The following PTPN1 variants were observed in gnomAD, a reference collection of about 807,000 sequenced individuals.
PTPN1 encodes the protein protein tyrosine phosphatase non-receptor type 1, also known as tyrosine-protein phosphatase non-receptor type 1.
In PTPN1, 12 loss-of-function variants were observed where a neutral mutation model predicts 59.9. That is an observed-to-expected ratio of 0.20 (90% CI 0.13 to 0.32). The LOEUF (loss-of-function observed/expected upper bound fraction) is 0.32. PTPN1 is among the 10% of genes least tolerant of loss of function. PTPN1 has a pLI of 1.00. For missense variants in PTPN1, 356 were observed against 549.2 expected, an observed-to-expected ratio of 0.65 and a Z score of 3.52; for synonymous variants, 178 against 203.6, an observed-to-expected ratio of 0.87 and a Z score of 1.07.
chr20:50,539,448 CTAT>C (rs2082639103), intron 1 of PTPN1, among the ~76,000 whole-genome samples: 1 of 152,084 alleles, frequency 6.6e-6, no homozygotes, highest in Non-Finnish European at 1.5e-5. Context: ...TGTCAGCAGC[CTAT>C]TATTTTAAGG....
intron 8 of PTPN1, 120 bp from the exon 9 acceptor site, chr20:50,581,145 A>AT (rs2082866235): frequency 7.0e-7 from 1 of 1,422,810 alleles, no homozygotes; most frequent in African/African-American, 1.4e-5. Flanking sequence ...GAAGGTTAAC[A>AT]TCATCCAACT....
chr20:50,525,612 AT>A (rs10854185), intron 1 of PTPN1, among the ~76,000 whole-genome samples: 52,599 of 146,684 alleles, frequency 0.36, 9,669 homozygotes, highest in African/African-American at 0.48. Context: ...CCTGGATTTG[AT>A]TTTTTTTTTT....
intron 1 of PTPN1, among the ~76,000 whole-genome samples, chr20:50,534,024 G>A (rs1306604083): frequency 2.6e-5 from 4 of 152,174 alleles, no homozygotes; most frequent in African/African-American, 7.2e-5. Flanking sequence ...TCCGCCTCCC[G>A]AGTTCAAGCG....
Position 50,583,340 on chromosome 20 carries a change from T to C in PTPN1, c.*625T>C, listed in dbSNP as rs1316607326. 1.3e-5 allele frequency: 2 copies of C among 152,578 alleles called. No individual in the cohort carries two copies. Among genetic ancestry groups the C allele is most frequent in the African/African-American group, 2.4e-5 (1 of 41,460 alleles). The allele number at this position is 152,578 out of a possible 1,614,324, so 9.5% of individuals were successfully genotyped here. On this transcript the variant is annotated 3_prime_UTR_variant, in exon 10 of 10. Transcript: ENST00000371621. ...TGTAAGCAGTTGTTATTTAGTGATA[T>C]TGTGGGTAACGTGAGAAGATAGAAC...
intron 1 of PTPN1, among the ~76,000 whole-genome samples, chr20:50,557,135 C>T (rs4811080): frequency 0.017 from 2,644 of 152,310 alleles, 70 homozygotes; most frequent in East Asian, 0.078. Flanking sequence ...TTCTCATTGA[C>T]CACCACTCCC....
chr20:50,565,702 T>C (rs1324229351), intron 3 of PTPN1, among the ~76,000 whole-genome samples: 2 of 152,114 alleles, frequency 1.3e-5, no homozygotes, highest in Non-Finnish European at 2.9e-5. Flanking sequence ...TTTTAATTAA[T>C]CTTCTCAAGT....
chr20:50,537,060 C>T (rs1289103060), intron 1 of PTPN1, among the ~76,000 whole-genome samples: 2 of 152,192 alleles, frequency 1.3e-5, no homozygotes, highest in African/African-American at 4.8e-5. Context: ...CGCGGTGGCT[C>T]ACGCCTGTAA....
intron 1 of PTPN1, among the ~76,000 whole-genome samples, chr20:50,541,935 G>T (rs201500331): frequency 6.6e-6 from 1 of 152,126 alleles, no homozygotes; most frequent in South Asian, 2.1e-4. Flanking sequence ...TGCTACTCTC[G>T]TTTTTACTAG....
chr20:50,565,138 T>G, intron 3 of PTPN1, 69 bp downstream of exon 3: 1 of 1,447,518 alleles, frequency 6.9e-7, no homozygotes, highest in South Asian at 1.3e-5. Flanking sequence ...TATCCACACC[T>G]CAAATAAAAT....
At chr20:50,521,146 C>T (rs1381799464) in intron 1 of PTPN1, among the ~76,000 whole-genome samples, 1 of 152,096 alleles carries the variant, frequency 6.6e-6, no homozygotes, top group Non-Finnish European at 1.5e-5. Flanking sequence ...CCTGTGGGGG[C>T]ATAAGTCACA....
At chr20:50,511,240 A>C (rs553142330) in intron 1 of PTPN1, among the ~76,000 whole-genome samples, 9 of 152,314 alleles carry the variant, frequency 5.9e-5, no homozygotes, top group African/African-American at 2.2e-4. Context: ...AATCAAACAC[A>C]AAAGCAAATA....
Position 50,565,045 on chromosome 20 carries a change from C to A in PTPN1, c.231C>A (p.Ala77=). ...CTAGTTTGATAAAAATGGAAGAAGCCCAAAGGAGTTACATTCTTACCCAGG... is the reference window on the plus strand; with the variant it reads ...CTAGTTTGATAAAAATGGAAGAAGCACAAAGGAGTTACATTCTTACCCAGG... ...INASLIKMEE[A]QRSYILTQGP... is the part of the protein sequence containing the mutation. Residue 77 remains alanine, a synonymous_variant, in exon 3 of 10, where the codon GCC becomes GCA. Transcript: ENST00000371621. 1 of 1,612,562 alleles carries A rather than the reference C, an allele frequency of 6.2e-7. No homozygotes were observed. The highest frequency in any genetic ancestry group is 8.5e-7 in the Non-Finnish European group (1 of 1,179,596).
intron 1 of PTPN1, among the ~76,000 whole-genome samples, chr20:50,547,833 G>T (rs1021209023): frequency 6.6e-6 from 1 of 152,136 alleles, no homozygotes; most frequent in East Asian, 1.9e-4. Context: ...CTAGCTATTA[G>T]CCACACACAT....
intron 1 of PTPN1, among the ~76,000 whole-genome samples, chr20:50,540,620 A>G (rs1300477580): frequency 6.6e-6 from 1 of 152,182 alleles, no homozygotes; most frequent in Non-Finnish European, 1.5e-5. Flanking sequence ...TCACTCAGGG[A>G]TTGGAGGAGC....
Position 50,573,157 on chromosome 20 carries a change from A to G in PTPN1, c.355-1360A>G, listed in dbSNP as rs147131340. ...AGGACCAATAGGCATTTGTGGTTCT[A>G]TATTCACCCTCCTCACGTGCTTCCT... On this transcript the variant is annotated intron_variant, in intron 4 of 9. Transcript: ENST00000371621. The G allele has an allele frequency of 3.9e-5, 6 of 152,290 alleles. No individual in the cohort carries two copies. In the East Asian group the frequency reaches 9.7e-4, roughly 25 times the overall value. The allele number at this position is 152,290 out of a possible 1,614,324, so 9.4% of individuals were successfully genotyped here. A position where few individuals can be genotyped will look rare whatever the true frequency, so the allele number is the denominator to read the frequency against.
chr20:50,577,064 A>T (rs2082840456), intron 5 of PTPN1, among the ~76,000 whole-genome samples: 2 of 152,112 alleles, frequency 1.3e-5, no homozygotes, highest in Admixed American at 1.3e-4. Flanking sequence ...AACATACACA[A>T]ATTTCTCCTT....
chr20:50,550,654 C>T (rs1426964283), intron 1 of PTPN1, among the ~76,000 whole-genome samples: 1 of 152,218 alleles, frequency 6.6e-6, no homozygotes, highest in African/African-American at 2.4e-5. Context: ...ACACTTCAAG[C>T]TTTGGGAACC....
intron 2 of PTPN1, 118 bp downstream of exon 2, chr20:50,561,571 T>C: frequency 1.7e-6 from 1 of 594,752 alleles, no homozygotes; most frequent in Non-Finnish European, 2.8e-6. Flanking sequence ...CAGAGGTTTA[T>C]GACGCGATTG....
At chr20:50,563,325 C>T (rs767909251) in intron 2 of PTPN1, among the ~76,000 whole-genome samples, 3 of 152,158 alleles carry the variant, frequency 2.0e-5, no homozygotes, top group Non-Finnish European at 4.4e-5. Context: ...GCTCACAGTG[C>T]TGCTGGTGAT....
Sources: allele counts gnomAD v4.1 joint callset (sites outside exome capture counted in the v4.1 genomes callset), GRCh38; gene constraint gnomAD v4.1.1; transcripts MANE v1.5; gene names NCBI Gene and HGNC (gene_info 2026-07-23, HGNC 2026-07-21).